The following NFASC variants were observed in gnomAD, a reference collection of about 807,000 sequenced individuals.
NFASC encodes neurofascin, also known as neurofascin homolog.
In NFASC, 43 loss-of-function variants were observed where a neutral mutation model predicts 147.5. The ratio of observed to expected loss-of-function variants is 0.29; its 90% CI spans 0.23 to 0.38. The LOEUF (loss-of-function observed/expected upper bound fraction) is 0.38. Among genes scored for constraint, NFASC ranks in the 10% least tolerant of loss-of-function variants. The probability of loss-of-function intolerance (pLI) is 1.00; values close to 1 mark genes in which losing one functional copy is unlikely to be tolerated. For missense variants in NFASC, 1,320 were observed against 1,689.0 expected (o/e 0.78, Z 3.83); for synonymous variants, 622 against 665.5 (o/e 0.93, Z 1.01).
At chr1:204,835,586 C>A (rs1673524783) in intron 1 of NFASC, among the ~76,000 whole-genome samples, 1 of 152,060 alleles carries the variant, frequency 6.6e-6, no homozygotes, top group African/African-American at 2.4e-5. Context: ...GGAGAAAAAT[C>A]ATGTGCAAAA....
rs757315756 is a variant in NFASC, at chr1:204,969,002, C to T, written c.1003+20C>T. ...TAAAGGGTACGTTGTGTGTATTTAT[C>T]ATTATGATTATGTTGCCAACCCTGA... On this transcript the variant is annotated intron_variant, in intron 10 of 29. Coordinates refer to ENST00000339876, the MANE Select transcript of NFASC (RefSeq NM_001005388.3). 5 of 1,601,344 alleles carry T rather than the reference C, an allele frequency of 3.1e-6. No homozygotes were observed. Among genetic ancestry groups the T allele is most frequent in the Non-Finnish European group, 3.4e-6 (4 of 1,171,284 alleles).
At chr1:205,014,750 G>A (rs577696993) in intron 29 of NFASC, among the ~76,000 whole-genome samples, 17 of 152,264 alleles carry the variant, frequency 1.1e-4, no homozygotes, top group Admixed American at 7.2e-4. Flanking sequence ...CCCAGTGGCT[G>A]CACTTAGCTT....
intron 2 of NFASC, among the ~76,000 whole-genome samples, chr1:204,922,073 A>G (rs577398282): frequency 1.3e-5 from 2 of 152,304 alleles, no homozygotes; most frequent in South Asian, 2.1e-4. Flanking sequence ...GTGGAGGAGT[A>G]TGATTGCAAA....
chr1:204,913,941 T>C (rs181661909), intron 1 of NFASC, among the ~76,000 whole-genome samples: 139 of 146,100 alleles, frequency 9.5e-4, no homozygotes, highest in African/African-American at 3.4e-3. Flanking sequence ...GAAATGTTAA[T>C]GAAAAACATG....
In NFASC at chr1:205,016,855, G is replaced by A. The variant is rs934225530; in HGVS notation, c.*316G>A. 9 of 443,916 alleles carry A rather than the reference G, an allele frequency of 2.0e-5. No individual in the cohort carries two copies. Among genetic ancestry groups the A allele is most frequent in the East Asian group, 9.3e-5 (2 of 21,596 alleles). The allele number at this position is 443,916 out of a possible 1,614,324, so 27.5% of individuals were successfully genotyped here. The stretch of plus-strand genomic sequence containing the variant: ...CACCACACTGTCCGCCCTTGGCCTC[G>A]GCACACGCTCACCTTTTCTGTTGGT... On this transcript the variant is annotated 3_prime_UTR_variant, in exon 30 of 30. Coordinates refer to ENST00000339876, the MANE Select transcript of NFASC (RefSeq NM_001005388.3). The surrounding 1 kb of genome is among the most constrained non-coding windows in gnomAD (Gnocchi z 5.1).
chr1:204,860,993 GT>G (rs71782689), intron 1 of NFASC, among the ~76,000 whole-genome samples: 39 of 141,056 alleles, frequency 2.8e-4, no homozygotes, highest in South Asian at 2.2e-4. Context: ...GACCATTTGG[GT>G]TTTTTTTTCT....
chr1:204,850,511 A>T (rs1361274456), intron 1 of NFASC, among the ~76,000 whole-genome samples: 1 of 152,184 alleles, frequency 6.6e-6, no homozygotes, highest in Non-Finnish European at 1.5e-5. Context: ...TGATCCCCAC[A>T]TGTCAGAGGA....
intron 1 of NFASC, among the ~76,000 whole-genome samples, chr1:204,846,428 C>T (rs1265455029): frequency 2.0e-5 from 3 of 152,072 alleles, no homozygotes; most frequent in Non-Finnish European, 2.9e-5. Flanking sequence ...AACTAATGCA[C>T]AGAGAGCTTG....
At chr1:204,855,482 G>A (rs982940211) in intron 1 of NFASC, among the ~76,000 whole-genome samples, 1 of 152,174 alleles carries the variant, frequency 6.6e-6, no homozygotes, top group African/African-American at 2.4e-5. Flanking sequence ...ACCTAGGAAA[G>A]ACTGTGGTGG....
intron 1 of NFASC, among the ~76,000 whole-genome samples, chr1:204,868,442 T>C (rs1450276864): frequency 6.6e-6 from 1 of 152,134 alleles, no homozygotes; most frequent in African/African-American, 2.4e-5. Context: ...GGCCAGCTGT[T>C]ACTAGAGCCA....
rs573325196 is a variant in NFASC at position 204,945,661 on chromosome 1, A to G, written c.91+1255A>G. ...GACTTGAATGTATGTGTGCATATGT[A>G]TGCATGCCCACACACGTGTGCATGT... On this transcript the variant is annotated intron_variant, in intron 3 of 29. Transcript: ENST00000339876. Among the ~76,000 whole-genome samples, 13 of 151,446 alleles carry G rather than the reference A, an allele frequency of 8.6e-5. No individual in the cohort carries two copies. In the East Asian group the frequency reaches 2.6e-3, roughly 30 times the overall value.
intron 24 of NFASC, 93 bp downstream of exon 24, chr1:204,991,399 G>A (rs2150669233): frequency 7.5e-7 from 1 of 1,332,596 alleles, no homozygotes; most frequent in East Asian, 2.4e-5. Context: ...GAGAGGCTCA[G>A]GCTGAAAGCA....
At chr1:204,854,257 T>A (rs2075961262) in intron 1 of NFASC, among the ~76,000 whole-genome samples, 1 of 152,200 alleles carries the variant, frequency 6.6e-6, no homozygotes, top group Non-Finnish European at 1.5e-5. Flanking sequence ...CTTCCATCTC[T>A]GTCACGTCAG....
chr1:204,837,352 G>A (rs1414069360), intron 1 of NFASC, among the ~76,000 whole-genome samples: 2 of 152,186 alleles, frequency 1.3e-5, no homozygotes, highest in Non-Finnish European at 2.9e-5. Context: ...CACTCAAAGG[G>A]CTAGAAGAGG....
chr1:205,022,258 TC>T lies in NFASC; in HGVS notation c.*5723del, dbSNP rs1490439427. ...AGTCAGTGTTGTCCCTCTGCCCGGC[TC>T]CCCAGCTCTTTGCCAACCTCTTCAC... On this transcript the variant is annotated 3_prime_UTR_variant, in exon 30 of 30. Coordinates refer to ENST00000339876, the MANE Select transcript of NFASC (RefSeq NM_001005388.3). 6.6e-6 allele frequency: 1 copy of T among 152,562 alleles called. No individual in the cohort carries two copies. Among genetic ancestry groups the T allele is most frequent in the African/African-American group, 2.4e-5 (1 of 41,364 alleles). The allele number at this position is 152,562 out of a possible 1,614,324, so 9.5% of individuals were successfully genotyped here.
At chr1:204,906,010 T>C (rs1304951231) in intron 1 of NFASC, among the ~76,000 whole-genome samples, 1 of 152,246 alleles carries the variant, frequency 6.6e-6, no homozygotes, top group African/African-American at 2.4e-5. Context: ...CACCAATGTG[T>C]TTATTAGCCA....
chr1:204,987,335 T>C lies in NFASC; in HGVS notation c.2471-83T>C, dbSNP rs1240154734. Reference sequence around the variant, plus strand: ...GGTTGTCCAGAGGTCAATGCCTTCATACTTGTGCTTTGTTTTTTGTGTTTT... The same window carrying C: ...GGTTGTCCAGAGGTCAATGCCTTCACACTTGTGCTTTGTTTTTTGTGTTTT... On this transcript the variant is annotated intron_variant, in intron 21 of 29. Transcript: ENST00000339876. The surrounding 1 kb of genome is among the most constrained non-coding windows in gnomAD (Gnocchi z 4.4). The C allele has an allele frequency of 4.4e-6, 6 of 1,362,762 alleles. 1 individual carries two copies. The highest frequency in any genetic ancestry group is 6.1e-6 in the Non-Finnish European group (6 of 976,328). The allele number at this position is 1,362,762 out of a possible 1,614,324, so 84.4% of individuals were successfully genotyped here. A position where few individuals can be genotyped will look rare whatever the true frequency, so the allele number is the denominator to read the frequency against.
intron 17 of NFASC, 68 bp downstream of exon 17, chr1:204,977,793 G>C: frequency 6.8e-7 from 1 of 1,461,212 alleles, no homozygotes; most frequent in Non-Finnish European, 9.5e-7. Context: ...GAGTCTGGGA[G>C]AAGGAAGCCA....
At chr1:204,946,436 G>T in intron 3 of NFASC, 1 of 436,958 alleles carries the variant, frequency 2.3e-6, no homozygotes, top group South Asian at 1.6e-5. Flanking sequence ...CATTCCAGAT[G>T]CTCTGGCTGT....
Sources: allele counts gnomAD v4.1 joint callset (sites outside exome capture counted in the v4.1 genomes callset), GRCh38; gene constraint gnomAD v4.1.1; non-coding constraint Gnocchi (gnomAD v3.1); transcripts MANE v1.5; gene names NCBI Gene and HGNC (gene_info 2026-07-23, HGNC 2026-07-21).